LCORL: variants seen among roughly 807,000 people sequenced by gnomAD.
LCORL encodes the protein ligand-dependent nuclear receptor corepressor-like protein.
LCORL carries 41 observed loss-of-function variants against 141.8 expected under a neutral mutation model. The ratio of observed to expected loss-of-function variants is 0.29; its 90% CI spans 0.23 to 0.38. The LOEUF is 0.38. Among genes scored for constraint, LCORL ranks in the 10% least tolerant of loss-of-function variants. LCORL has a pLI of 1.00. For synonymous variants in LCORL, 618 were observed against 694.1 expected (o/e 0.89, Z 1.72); for missense variants, 1,759 against 2,035.0 (o/e 0.86, Z 2.61).
chr4:17,915,134 C>T (rs1338636277), intron 4 of LCORL, among the ~76,000 whole-genome samples: 6 of 152,050 alleles, frequency 3.9e-5, no homozygotes, highest in Non-Finnish European at 5.9e-5. Flanking sequence ...TCCTTCTCCC[C>T]TTCATTTGTC....
intron 1 of LCORL, among the ~76,000 whole-genome samples, chr4:17,985,122 G>A (rs1300821644): frequency 1.3e-5 from 2 of 152,030 alleles, no homozygotes; most frequent in African/African-American, 2.4e-5. Context: ...TTGAGCTGTG[G>A]TCTGAGAGTT....
intron 1 of LCORL, among the ~76,000 whole-genome samples, chr4:17,981,842 C>A (rs994116844): frequency 2.0e-5 from 3 of 152,120 alleles, no homozygotes; most frequent in Non-Finnish European, 4.4e-5. Flanking sequence ...TATTTCATCA[C>A]CTGGGTAATA....
chr4:17,911,317 T>C (rs946328627), intron 4 of LCORL, among the ~76,000 whole-genome samples: 4 of 152,102 alleles, frequency 2.6e-5, no homozygotes, highest in Non-Finnish European at 5.9e-5. Context: ...GTCTTCAAAG[T>C]TCATGGAAAA....
At chr4:17,917,798 C>G (rs541817701) in intron 4 of LCORL, among the ~76,000 whole-genome samples, 1 of 152,212 alleles carries the variant, frequency 6.6e-6, no homozygotes, top group African/African-American at 2.4e-5. Context: ...GGGAATTAAC[C>G]AAAAGCTTAT....
At chr4:17,944,603 T>A (rs1439577710) in intron 4 of LCORL, among the ~76,000 whole-genome samples, 1 of 152,154 alleles carries the variant, frequency 6.6e-6, no homozygotes, top group Non-Finnish European at 1.5e-5. Context: ...CAACACAAAA[T>A]GCTCCAAGCT....
At chr4:17,980,865 T>C (rs1221880557) in intron 1 of LCORL, among the ~76,000 whole-genome samples, 1 of 152,146 alleles carries the variant, frequency 6.6e-6, no homozygotes, top group Admixed American at 6.5e-5. Flanking sequence ...TGAGGTATTC[T>C]GGGTTGTATA....
intron 7 of LCORL, among the ~76,000 whole-genome samples, chr4:17,863,582 G>A (rs747721922): frequency 2.0e-5 from 3 of 152,200 alleles, no homozygotes; most frequent in Non-Finnish European, 4.4e-5. Context: ...GGAAAGCAAT[G>A]TGGTGATTTA....
intron 2 of LCORL, among the ~76,000 whole-genome samples, chr4:17,969,284 T>C (rs1257002926): frequency 1.3e-5 from 2 of 152,206 alleles, no homozygotes; most frequent in Non-Finnish European, 2.9e-5. Context: ...ATAGTTATGC[T>C]TTCTTCATAA....
chr4:17,931,246 A>G (rs990846301), intron 4 of LCORL, among the ~76,000 whole-genome samples: 5 of 151,888 alleles, frequency 3.3e-5, no homozygotes, highest in Non-Finnish European at 7.4e-5. Context: ...CTAGTGGTCT[A>G]TTTTGTTGAC....
intron 7 of LCORL, among the ~76,000 whole-genome samples, chr4:17,862,690 C>A (rs556675800): frequency 6.6e-6 from 1 of 152,228 alleles, no homozygotes; most frequent in South Asian, 2.1e-4. Context: ...ATTGAAACTG[C>A]GCTCCTTCCT....
At chr4:17,956,776 TAGA>T (rs1430243408) in intron 4 of LCORL, among the ~76,000 whole-genome samples, 1 of 152,002 alleles carries the variant, frequency 6.6e-6, no homozygotes, top group East Asian at 1.9e-4. Context: ...TTTTTCAAAA[TAGA>T]AGCAAAGATG....
In LCORL at chr4:17,876,208, T is replaced by C. The variant is rs1429168057; in HGVS notation, c.2782A>G (p.Ile928Val). ...GAAATCAAGCGACCCATATCTAAAATAGATGACTTTTTCAGATTTTCAAGT... is the reference window on the plus strand; with the variant it reads ...GAAATCAAGCGACCCATATCTAAAACAGATGACTTTTTCAGATTTTCAAGT... The change falls in exon 7 of 8, where the codon ATT becomes GTT. Residue 928 changes from isoleucine to valine, a missense_variant. Ile to Val is a conservative substitution (Grantham distance 29). Transcript: ENST00000635767. 6.5e-6 allele frequency: 8 copies of C among 1,230,864 alleles called. No homozygotes were observed. In the Admixed American group the frequency reaches 2.5e-4, roughly 39 times the overall value. 76.2% of individuals were successfully genotyped at this position (1,230,864 alleles called of 1,614,324 possible).
At chr4:17,912,218 T>C (rs1732676511) in intron 4 of LCORL, 1 of 755,312 alleles carries the variant, frequency 1.3e-6, no homozygotes, top group Admixed American at 1.7e-5. Flanking sequence ...AAGCTGGCCG[T>C]GCGCCAGTCT....
At chr4:17,930,730 A>G (rs902326799) in intron 4 of LCORL, among the ~76,000 whole-genome samples, 8 of 152,196 alleles carry the variant, frequency 5.3e-5, no homozygotes, top group Non-Finnish European at 1.0e-4. Flanking sequence ...ATTGTTCTGT[A>G]GTGGTATGTA....
exon 7 of LCORL, chr4:17,874,155 T>C (rs936470043): frequency 5.7e-6 from 7 of 1,233,890 alleles, no homozygotes; most frequent in South Asian, 4.1e-5. Context: ...GTTGTGCAGC[T>C]TTCCCTCTCT....
intron 1 of LCORL, among the ~76,000 whole-genome samples, chr4:18,003,366 T>C (rs896654285): frequency 3.3e-5 from 5 of 152,118 alleles, no homozygotes; most frequent in African/African-American, 9.7e-5. Context: ...GAAAACATAA[T>C]TGGTGGATTG....
chr4:17,976,576 C>A (rs1577608411), intron 1 of LCORL, among the ~76,000 whole-genome samples: 1 of 152,076 alleles, frequency 6.6e-6, no homozygotes, highest in South Asian at 2.1e-4. Context: ...ATATAACTTA[C>A]TTAAAAACAT....
At chr4:17,996,630 T>C (rs969622422) in intron 1 of LCORL, among the ~76,000 whole-genome samples, 4 of 152,114 alleles carry the variant, frequency 2.6e-5, no homozygotes, top group African/African-American at 7.2e-5. Flanking sequence ...TGCAAGGTAG[T>C]TGAACATACA....
chr4:18,013,107 TG>T (rs2109881286), intron 1 of LCORL, among the ~76,000 whole-genome samples: 1 of 152,338 alleles, frequency 6.6e-6, no homozygotes, highest in Non-Finnish European at 1.5e-5. Flanking sequence ...CCCTGTTTCA[TG>T]GTACTTGACA....
Sources: allele counts gnomAD v4.1 joint callset (sites outside exome capture counted in the v4.1 genomes callset), GRCh38; gene constraint gnomAD v4.1.1; transcripts MANE v1.5; gene names NCBI Gene and HGNC (gene_info 2026-07-23, HGNC 2026-07-21).